The following EYS variants were observed in gnomAD, a reference collection of about 807,000 sequenced individuals.
EYS encodes protein eyes shut homolog.
In EYS, 250 loss-of-function variants were observed where a neutral mutation model predicts 282.1. The ratio of observed to expected loss-of-function variants is 0.89; its 90% CI spans 0.80 to 0.98. EYS has a LOEUF of 0.98. Among genes scored for constraint, EYS ranks in the 50% least tolerant of loss-of-function variants. The pLI is 0.00. For missense variants in EYS, 4,016 were observed against 3,709.0 expected, an observed-to-expected ratio of 1.08 and a Z score of -2.15; for synonymous variants, 1,355 against 1,282.9, an observed-to-expected ratio of 1.06 and a Z score of -1.20.
Position 64,822,804 on chromosome 6 carries a change from T to C in EYS, c.3011A>G (p.Asn1004Ser). 2 of 1,549,464 alleles carry C rather than the reference T, an allele frequency of 1.3e-6. No individual in the cohort carries two copies. The highest frequency in any genetic ancestry group is 1.7e-6 in the Non-Finnish European group (2 of 1,145,668). ...PGYTGINCEI[N>S]LDECLSEPCL... ...GGGCTCTGATAGGCATTCATCTAGA[T>C]TTATTTCACAGTTGATGCCTGTGTT... Residue 1004 changes from asparagine to serine, a missense_variant, in exon 20 of 43, where the codon AAT (asparagine) becomes AGT (serine). Physicochemically the swap from Asn to Ser is conservative, Grantham distance 46 (BLOSUM62 1). Transcript: ENST00000503581.
At chr6:64,375,997 T>G (rs529580103) in intron 29 of EYS, among the ~76,000 whole-genome samples, 2 of 152,176 alleles carry the variant, frequency 1.3e-5, no homozygotes, top group African/African-American at 2.4e-5. Flanking sequence ...AAAATTATAT[T>G]CAATATCCTG....
intron 12 of EYS, among the ~76,000 whole-genome samples, chr6:65,224,243 T>C (rs1253778718): frequency 1.3e-5 from 2 of 152,030 alleles, no homozygotes; most frequent in South Asian, 2.1e-4. Flanking sequence ...GAAATAAGTA[T>C]AGATAAAAGG....
intron 26 of EYS, among the ~76,000 whole-genome samples, chr6:64,537,093 G>T (rs201386046): frequency 8.3e-4 from 120 of 145,136 alleles, no homozygotes; most frequent in Non-Finnish European, 1.1e-3. Flanking sequence ...TGCCATGCTG[G>T]TGCGCTGCAC....
At chr6:64,636,511 A>G (rs1397577970) in intron 22 of EYS, among the ~76,000 whole-genome samples, 2 of 152,216 alleles carry the variant, frequency 1.3e-5, no homozygotes, top group East Asian at 3.8e-4. Flanking sequence ...AGGCAATACC[A>G]TTCAGAACAT....
chr6:64,484,303 G>A (rs77034326), intron 26 of EYS, among the ~76,000 whole-genome samples: 19 of 151,476 alleles, frequency 1.3e-4, no homozygotes, highest in Admixed American at 1.3e-3. Context: ...AGATTATGTT[G>A]ATTCAGCAAA....
chr6:63,934,127 C>T (rs1764981815), intron 35 of EYS, among the ~76,000 whole-genome samples: 1 of 152,172 alleles, frequency 6.6e-6, no homozygotes, highest in South Asian at 2.1e-4. Flanking sequence ...GACACTTATG[C>T]AGCCAAAAGA....
chr6:64,050,609 C>G (rs1770778641), intron 33 of EYS, among the ~76,000 whole-genome samples: 1 of 152,162 alleles, frequency 6.6e-6, no homozygotes, highest in Admixed American at 6.6e-5. Context: ...GGGCTGTACT[C>G]AAACTTGACT....
chr6:64,747,957 T>C (rs1200085093), intron 22 of EYS, among the ~76,000 whole-genome samples: 1 of 152,242 alleles, frequency 6.6e-6, no homozygotes, highest in East Asian at 1.9e-4. Context: ...TTGTCAGTTG[T>C]TGGTTACTTC....
chr6:64,303,704 G>A (rs1769319682), intron 30 of EYS, among the ~76,000 whole-genome samples: 1 of 151,604 alleles, frequency 6.6e-6, no homozygotes, highest in South Asian at 2.1e-4. Context: ...AGCCGGGCAT[G>A]GTGGCGCGCG....
intron 2 of EYS, among the ~76,000 whole-genome samples, chr6:65,606,752 C>A (rs1765810118): frequency 6.6e-6 from 1 of 151,756 alleles, no homozygotes; most frequent in African/African-American, 2.4e-5. Flanking sequence ...GCTTGACTAT[C>A]CTTCTGCATC....
chr6:64,592,976 TA>T, intron 25 of EYS, 140 bp downstream of exon 25: 1 of 562,698 alleles, frequency 1.8e-6, no homozygotes, highest in Non-Finnish European at 2.9e-6. Flanking sequence ...ACAGGAGTCA[TA>T]ACCAATAATG....
At chr6:65,071,972 T>C (rs921457610) in intron 12 of EYS, among the ~76,000 whole-genome samples, 4 of 151,820 alleles carry the variant, frequency 2.6e-5, no homozygotes, top group African/African-American at 9.7e-5. Context: ...TGTCTTGATA[T>C]TGACTTTCCA....
chr6:63,886,578 G>C (rs1224075743), intron 35 of EYS, among the ~76,000 whole-genome samples: 3 of 152,152 alleles, frequency 2.0e-5, no homozygotes, highest in African/African-American at 7.2e-5. Context: ...TTGGTAATAA[G>C]GTGATAACAA....
At chr6:64,658,475 C>T (rs1189429885) in intron 22 of EYS, among the ~76,000 whole-genome samples, 1 of 152,116 alleles carries the variant, frequency 6.6e-6, no homozygotes, top group Non-Finnish European at 1.5e-5. Context: ...TTTTCCCCAT[C>T]TTTGTGGATT....
intron 31 of EYS, among the ~76,000 whole-genome samples, chr6:64,222,918 A>ACT (rs1766144681): frequency 6.6e-6 from 1 of 151,742 alleles, no homozygotes; most frequent in Non-Finnish European, 1.5e-5. Flanking sequence ...AGTCCAAGAA[A>ACT]ATTATCGGTA....
intron 2 of EYS, among the ~76,000 whole-genome samples, chr6:65,593,727 C>G (rs1466095674): frequency 1.3e-5 from 2 of 151,874 alleles, no homozygotes; most frequent in Non-Finnish European, 2.9e-5. Flanking sequence ...TCCCCATATA[C>G]CTTACAAAGA....
chr6:65,325,797 C>A (rs1206382657), intron 11 of EYS, among the ~76,000 whole-genome samples: 1 of 152,042 alleles, frequency 6.6e-6, no homozygotes, highest in Non-Finnish European at 1.5e-5. Context: ...TAAAAATGAG[C>A]TTTGGGCTAG....
intron 12 of EYS, among the ~76,000 whole-genome samples, chr6:65,080,965 C>A (rs374541385): frequency 2.0e-5 from 3 of 152,064 alleles, no homozygotes; most frequent in African/African-American, 4.8e-5. Context: ...AAAAGACAAA[C>A]AAAAATAATT....
intron 1 of EYS, among the ~76,000 whole-genome samples, chr6:65,670,461 T>C (rs939456531): frequency 3.3e-5 from 5 of 152,068 alleles, no homozygotes; most frequent in African/African-American, 1.2e-4. Flanking sequence ...AAATATCATA[T>C]TAAACTCTGT....
Sources: allele counts gnomAD v4.1 joint callset (sites outside exome capture counted in the v4.1 genomes callset), GRCh38; gene constraint gnomAD v4.1.1; transcripts MANE v1.5; gene names NCBI Gene and HGNC (gene_info 2026-07-23, HGNC 2026-07-21).